Variants in PVT1 observed in about 807,000 individuals in gnomAD.
PVT1 encodes CXCR4/PVT1 fusion.
Position 128,021,508 on chromosome 8 carries a change from T to C in PVT1, n.912+32217T>C, listed in dbSNP as rs187479252. Among the ~76,000 whole-genome samples the C allele has an allele frequency of 2.0e-4, 30 of 152,132 alleles. No individual in the cohort carries two copies. The East Asian group carries it at 5.8e-3, about 30-fold the overall frequency. ...CAGGGTTTCACCATGTTAGCCAGGA[T>C]GGTCTTGATCTCCTGACTTCGTGAT... On this transcript the variant is annotated intron_variant and non_coding_transcript_variant, in intron 4 of 10. Coordinates refer to ENST00000651587, the Ensembl canonical transcript of PVT1.
At chr8:127,839,283 G>A (rs991387356) in intron 2 of PVT1, among the ~76,000 whole-genome samples, 1 of 151,942 alleles carries the variant, frequency 6.6e-6, no homozygotes, top group Non-Finnish European at 1.5e-5. Context: ...GCAGTGGCTC[G>A]TGCCTGTAAT....
At chr8:127,931,565 A>G (rs75299468) in intron 3 of PVT1, among the ~76,000 whole-genome samples, 2,015 of 152,328 alleles carry the variant, frequency 0.013, 13 homozygotes, top group Middle Eastern at 0.027. Flanking sequence ...AGACAAGGCA[A>G]CTGAGGCACA....
chr8:128,016,291 G>C lies in PVT1; in HGVS notation n.912+27000G>C, dbSNP rs530009728. ...GACCCTGTCTCAAAAAAAAAAAAAG[G>C]GGGCGAGGATGGTAACCATTCTCTG... On this transcript the variant is annotated intron_variant and non_coding_transcript_variant, in intron 4 of 10. Coordinates refer to ENST00000651587, the Ensembl canonical transcript of PVT1. 2.6e-5 allele frequency among the ~76,000 whole-genome samples: 4 copies of C among 151,668 alleles called. No individual in the cohort carries two copies. The East Asian group carries it at 7.7e-4, about 29-fold the overall frequency.
intron 5 of PVT1, among the ~76,000 whole-genome samples, chr8:128,075,810 A>T (rs1814080657): frequency 6.6e-6 from 1 of 152,116 alleles, no homozygotes. Flanking sequence ...GGATGTACCC[A>T]CCTTTTATTT....
chr8:128,035,892 T>G (rs1223474015), intron 4 of PVT1, among the ~76,000 whole-genome samples: 1 of 152,210 alleles, frequency 6.6e-6, no homozygotes, highest in Non-Finnish European at 1.5e-5. Context: ...CCTTTGGAGC[T>G]CCAGAAGGAC....
intron 3 of PVT1, chr8:127,947,541 G>A (rs546264912): frequency 4.1e-5 from 15 of 363,618 alleles, no homozygotes; most frequent in Non-Finnish European, 6.5e-5. Flanking sequence ...GTGGGCCTCA[G>A]GTTTCTCCCC....
chr8:127,911,126 C>T (rs962820133), intron 3 of PVT1, among the ~76,000 whole-genome samples: 22 of 152,258 alleles, frequency 1.4e-4, no homozygotes, highest in African/African-American at 5.3e-4. Context: ...CTTCCTCCTG[C>T]CCTGAACCGT....
intron 4 of PVT1, among the ~76,000 whole-genome samples, chr8:128,004,971 T>C (rs1036796188): frequency 5.9e-5 from 9 of 152,006 alleles, no homozygotes; most frequent in African/African-American, 2.2e-4. Context: ...AGAAACCCCG[T>C]CTCTACTAAA....
chr8:127,883,062 TCA>T lies in PVT1; in HGVS notation n.373-7504_373-7503del, dbSNP rs10637867. ...GCACGCACACATGCATGCACACACA[TCA>T]CACACACACACACACACACACAGAC... On this transcript the variant is annotated intron_variant and non_coding_transcript_variant, in intron 2 of 10. Coordinates refer to ENST00000651587, the Ensembl canonical transcript of PVT1. Among the ~76,000 whole-genome samples, 107 of 147,848 alleles carry T rather than the reference TCA, an allele frequency of 7.2e-4. 1 individual carries two copies. The highest frequency in any genetic ancestry group is 2.0e-3 in the East Asian group (10 of 4,960).
At chr8:127,968,929 G>C (rs1053580675) in intron 3 of PVT1, among the ~76,000 whole-genome samples, 2 of 152,138 alleles carry the variant, frequency 1.3e-5, no homozygotes, top group Non-Finnish European at 2.9e-5. Flanking sequence ...GGCAAGGAAG[G>C]GTTTCCCCTC....
intron 2 of PVT1, among the ~76,000 whole-genome samples, chr8:127,823,082 G>T (rs1350807781): frequency 6.6e-6 from 1 of 152,200 alleles, no homozygotes; most frequent in Non-Finnish European, 1.5e-5. Flanking sequence ...CATTGTTGTT[G>T]TTAAAGTTCA....
chr8:127,994,977 A>G (rs1817088744), intron 4 of PVT1, among the ~76,000 whole-genome samples: 1 of 152,216 alleles, frequency 6.6e-6, no homozygotes. Flanking sequence ...ATCTGGACAT[A>G]CTCAGAAATG....
rs535533719 is a variant in PVT1, at chr8:127,959,188, C to T, written n.783-29974C>T. Among the ~76,000 whole-genome samples, 7 of 152,294 alleles carry T rather than the reference C, an allele frequency of 4.6e-5. No homozygotes were observed. In the South Asian group the frequency reaches 1.0e-3, roughly 23 times the overall value. On this transcript the variant is annotated intron_variant and non_coding_transcript_variant, in intron 3 of 10. Coordinates refer to ENST00000651587, the Ensembl canonical transcript of PVT1. Reference sequence around the variant, plus strand: ...CAAGCGAACTGATGACTATCAGTCCCCTGATTGCTTCCTGTCTTATGTTTT... The same window carrying T: ...CAAGCGAACTGATGACTATCAGTCCTCTGATTGCTTCCTGTCTTATGTTTT...
intron 2 of PVT1, among the ~76,000 whole-genome samples, chr8:127,884,457 A>G (rs1462493654): frequency 6.6e-6 from 1 of 152,232 alleles, no homozygotes; most frequent in East Asian, 1.9e-4. Context: ...TGGTGAACAT[A>G]TGCACACATA....
At chr8:128,080,877 A>G (rs1160811641) in intron 5 of PVT1, among the ~76,000 whole-genome samples, 1 of 152,162 alleles carries the variant, frequency 6.6e-6, no homozygotes, top group African/African-American at 2.4e-5. Flanking sequence ...ATTTTGAGGT[A>G]ATTTTTGTGA....
intron 4 of PVT1, among the ~76,000 whole-genome samples, chr8:128,061,393 T>G (rs990513608): frequency 6.6e-6 from 1 of 152,230 alleles, no homozygotes; most frequent in African/African-American, 2.4e-5. Flanking sequence ...TATTTATTCA[T>G]TCATTAGTTG....
intron 4 of PVT1, among the ~76,000 whole-genome samples, chr8:128,054,725 T>C (rs1813743609): frequency 6.6e-6 from 1 of 152,190 alleles, no homozygotes; most frequent in African/African-American, 2.4e-5. Flanking sequence ...GTGTGAATCA[T>C]GACTGTGACT....
Position 127,885,670 on chromosome 8 carries a change from G to A in PVT1, n.373-4919G>A, listed in dbSNP as rs527943532. Reference sequence around the variant, plus strand: ...TATGAATTTAGGGGTCGGGGGTGTAGGTAACAAACATTCAAAACATCATAC... The same window carrying A: ...TATGAATTTAGGGGTCGGGGGTGTAAGTAACAAACATTCAAAACATCATAC... On this transcript the variant is annotated intron_variant and non_coding_transcript_variant, in intron 2 of 10. Coordinates refer to ENST00000651587, the Ensembl canonical transcript of PVT1. Among the ~76,000 whole-genome samples, 235 of 152,206 alleles carry A rather than the reference G, an allele frequency of 1.5e-3. 1 individual carries two copies. Among genetic ancestry groups the A allele is most frequent in the Non-Finnish European group, 2.1e-3 (143 of 68,016 alleles).
chr8:128,013,485 C>A (rs1303932761), intron 4 of PVT1, among the ~76,000 whole-genome samples: 1 of 151,920 alleles, frequency 6.6e-6, no homozygotes, highest in African/African-American at 2.4e-5. Flanking sequence ...TTTTTGTGTC[C>A]CTAACCTGAT....
Sources: gnomAD v4.1 joint callset for allele counts (sites outside exome capture counted in the v4.1 genomes callset) on GRCh38, gnomAD v4.1.1 for gene constraint, MANE v1.5 for transcripts, NCBI Gene and HGNC (gene_info 2026-07-23, HGNC 2026-07-21) for gene names.